Variants in STK3 observed in about 807,000 individuals in gnomAD.
STK3 encodes the protein serine/threonine kinase 3, also known as serine/threonine-protein kinase 3.
Under a neutral mutation model 58.0 loss-of-function variants are expected in STK3, and 41 were observed. That is an observed-to-expected ratio of 0.71 (90% confidence interval 0.55 to 0.92). The LOEUF (loss-of-function observed/expected upper bound fraction) is 0.92. STK3 is among the 40% of genes least tolerant of loss of function. STK3 has a pLI of 0.00. For synonymous variants in STK3, 170 were observed against 191.0 expected (o/e 0.89, Z 0.91); for missense variants, 479 against 602.7 (o/e 0.79, Z 2.15).
upstream of STK3, among the ~76,000 whole-genome samples, chr8:98,827,010 C>T (rs1331596193): frequency 7.5e-6 from 1 of 134,122 alleles, no homozygotes; most frequent in African/African-American, 2.9e-5. Flanking sequence ...CAATATACAG[C>T]TGCTACATGA....
intron 6 of STK3, among the ~76,000 whole-genome samples, chr8:98,669,326 G>T (rs1399145744): frequency 6.6e-6 from 1 of 151,850 alleles, no homozygotes; most frequent in Non-Finnish European, 1.5e-5. Flanking sequence ...CATATCAACA[G>T]TTCTAAAAAA....
intron 6 of STK3, among the ~76,000 whole-genome samples, chr8:98,665,208 C>T (rs916871382): frequency 3.9e-5 from 6 of 152,168 alleles, no homozygotes; most frequent in Non-Finnish European, 7.3e-5. Context: ...CAGATGATTA[C>T]GTTACGTAAT....
At chr8:98,754,383 T>C (rs1487813000) in intron 3 of STK3, among the ~76,000 whole-genome samples, 2 of 152,088 alleles carry the variant, frequency 1.3e-5, no homozygotes, top group African/African-American at 4.8e-5. Flanking sequence ...CCACACTCCT[T>C]TGAGGTTCTG....
chr8:98,369,633 G>A (rs1817592748), downstream of STK3, among the ~76,000 whole-genome samples: 2 of 152,176 alleles, frequency 1.3e-5, no homozygotes, highest in Non-Finnish European at 1.5e-5. Flanking sequence ...CTTGCAGGGA[G>A]GAGGAGGGGC....
chr8:98,504,177 T>C (rs1268497931), intron 10 of STK3, among the ~76,000 whole-genome samples: 1 of 150,282 alleles, frequency 6.7e-6, no homozygotes, highest in Non-Finnish European at 1.5e-5. Flanking sequence ...CTTTGTTGGT[T>C]TAAAGTCTGT....
downstream of STK3, among the ~76,000 whole-genome samples, chr8:98,398,351 C>T (rs1477731626): frequency 6.6e-6 from 1 of 152,210 alleles, no homozygotes; most frequent in African/African-American, 2.4e-5. Context: ...ACCAACTTCT[C>T]CTAGTTTCCC....
intron 6 of STK3, among the ~76,000 whole-genome samples, chr8:98,702,895 T>A (rs1436870199): frequency 1.3e-5 from 2 of 152,228 alleles, no homozygotes; most frequent in Admixed American, 1.3e-4. Flanking sequence ...GCCATGTATA[T>A]GTAGTAAATT....
At chr8:98,451,569 A>G (rs1819200087), downstream of STK3, among the ~76,000 whole-genome samples, 1 of 152,190 alleles carries the variant, frequency 6.6e-6, no homozygotes, top group East Asian at 1.9e-4. Flanking sequence ...CTGACTAATG[A>G]TGTGGTCCAG....
intron 1 of STK3, among the ~76,000 whole-genome samples, chr8:98,792,902 G>GTT (rs1832898891): frequency 6.6e-6 from 1 of 151,240 alleles, no homozygotes; most frequent in Non-Finnish European, 1.5e-5. Context: ...CTGTATGTGT[G>GTT]TGTGTGTGTG....
At chr8:98,605,791 G>C (rs530531097) in intron 6 of STK3, among the ~76,000 whole-genome samples, 1 of 152,122 alleles carries the variant, frequency 6.6e-6, no homozygotes. Flanking sequence ...GAGGTGATTG[G>C]ACCATGGGGG....
intron 10 of STK3, among the ~76,000 whole-genome samples, chr8:98,502,040 A>T (rs922468891): frequency 2.0e-5 from 3 of 152,108 alleles, no homozygotes; most frequent in Non-Finnish European, 2.9e-5. Context: ...TCCATGAGCA[A>T]GGAATGTTCT....
At chr8:98,550,433 TATTTC>T (rs575446343) in intron 8 of STK3, among the ~76,000 whole-genome samples, 15 of 152,154 alleles carry the variant, frequency 9.9e-5, no homozygotes, top group Non-Finnish European at 2.1e-4. Flanking sequence ...AATCAGATAT[TATTTC>T]ATTTATCTCT....
At chr8:98,382,977 C>T (rs1429567846) in intron 1 of STK3, among the ~76,000 whole-genome samples, 1 of 152,162 alleles carries the variant, frequency 6.6e-6, no homozygotes, top group Non-Finnish European at 1.5e-5. Flanking sequence ...CCAAGGTCCC[C>T]TCCTTACTCT....
intron 1 of STK3, chr8:98,921,478 C>T (rs940388295): frequency 6.5e-6 from 1 of 152,946 alleles, no homozygotes; most frequent in Non-Finnish European, 1.5e-5. Context: ...CCTGCCTAGC[C>T]AGCCAGATCA....
intron 6 of STK3, among the ~76,000 whole-genome samples, chr8:98,694,340 TA>T (rs1421673466): frequency 8.5e-5 from 13 of 152,122 alleles, no homozygotes. Flanking sequence ...GACCTTTTTT[TA>T]GGCTAAAATA....
intron 10 of STK3, among the ~76,000 whole-genome samples, chr8:98,486,812 T>C (rs1563654221): frequency 1.3e-5 from 2 of 152,196 alleles, no homozygotes; most frequent in Non-Finnish European, 2.9e-5. Context: ...TGTAATGAGT[T>C]CCAGGTGTCG....
In STK3 at chr8:98,428,725, C is replaced by T. The variant is rs1818283260; in HGVS notation, n.483+5402G>A. ...GAGCTGGTGGCCAGGTTTGCTGTGG[C>T]CCCTGACTTCCTCAAGTTCTTCAAG... On this transcript the variant is annotated intron_variant and non_coding_transcript_variant, in intron 3 of 3. Coordinates refer to the STK3 transcript ENST00000517832. This position sits in a 1 kb window ranked among gnomAD's most constrained non-coding sequence, Gnocchi z 6.7. 1 of 1,614,234 alleles carries T rather than the reference C, an allele frequency of 6.2e-7. No individual in the cohort carries two copies. Among genetic ancestry groups the T allele is most frequent in the Non-Finnish European group, 8.5e-7 (1 of 1,180,046 alleles).
chr8:98,905,742 G>T, intron 1 of STK3: 1 of 508,876 alleles, frequency 2.0e-6, no homozygotes. Context: ...AAAATCGTTT[G>T]TCTTGATAAA....
chr8:98,492,420 T>C (rs1388623588), intron 10 of STK3, among the ~76,000 whole-genome samples: 3 of 152,058 alleles, frequency 2.0e-5, no homozygotes, highest in Non-Finnish European at 2.9e-5. Context: ...GAAGTTGGAA[T>C]AGGAAAGAGA....
Sources: gnomAD v4.1 joint callset for allele counts (sites outside exome capture counted in the v4.1 genomes callset) on GRCh38, gnomAD v4.1.1 for gene constraint, Gnocchi (gnomAD v3.1) non-coding constraint, MANE v1.5 for transcripts, NCBI Gene and HGNC (gene_info 2026-07-23, HGNC 2026-07-21) for gene names.